LRIG1: variants seen among roughly 807,000 people sequenced by gnomAD.
The protein encoded by LRIG1 is leucine-rich repeats and immunoglobulin-like domains protein 1.
In LRIG1, 48 loss-of-function variants were observed where a neutral mutation model predicts 99.2. The observed-to-expected ratio is 0.48, with a 90% confidence interval of 0.38 to 0.62. The LOEUF is 0.62. Ranked by LOEUF, LRIG1 falls within the 20% of genes least tolerant of loss-of-function variation. LRIG1 has a pLI of 0.00. For synonymous variants in LRIG1, 772 were observed against 596.1 expected (o/e 1.29, Z -4.30); for missense variants, 1,646 against 1,434.4 (o/e 1.15, Z -2.38).
At chr3:66,494,483 A>G (rs940212067) in intron 1 of LRIG1, among the ~76,000 whole-genome samples, 1 of 152,212 alleles carries the variant, frequency 6.6e-6, no homozygotes, top group Non-Finnish European at 1.5e-5. Context: ...GCAAATGCCC[A>G]TTTAGAAGAT....
chr3:66,447,758 A>G (rs1306691946), intron 3 of LRIG1, among the ~76,000 whole-genome samples: 2 of 152,192 alleles, frequency 1.3e-5, no homozygotes, highest in South Asian at 2.1e-4. Context: ...ACTGTCACCA[A>G]TCTTCTCGAC....
intron 5 of LRIG1, among the ~76,000 whole-genome samples, chr3:66,414,571 G>A (rs1288094927): frequency 6.6e-6 from 1 of 151,930 alleles, no homozygotes; most frequent in Non-Finnish European, 1.5e-5. Context: ...GATTTTACGG[G>A]TATCTTAAAA....
At chr3:66,451,810 A>G (rs3796150) in intron 2 of LRIG1, among the ~76,000 whole-genome samples, 177 bp from the exon 3 acceptor site, 116,465 of 152,064 alleles carry the variant, frequency 0.77, 45,030 homozygotes, top group East Asian at 0.89. Flanking sequence ...GTCACATGAG[A>G]TCACAAAAAC....
At chr3:66,442,890 T>G (rs934862850) in intron 3 of LRIG1, among the ~76,000 whole-genome samples, 1 of 152,112 alleles carries the variant, frequency 6.6e-6, no homozygotes, top group African/African-American at 2.4e-5. Context: ...CCACAGCTGG[T>G]GTTCCCTTCA....
intron 3 of LRIG1, among the ~76,000 whole-genome samples, chr3:66,439,913 G>GA (rs944460959): frequency 6.6e-6 from 1 of 152,070 alleles, no homozygotes. Flanking sequence ...AATCAACAGT[G>GA]AAAAGAGGTA....
In LRIG1 at chr3:66,500,997, C is replaced by T. The variant is rs975379867; in HGVS notation, c.-590G>A. The T allele has an allele frequency of 1.3e-5, 2 of 152,272 alleles. No individual in the cohort carries two copies. The highest frequency in any genetic ancestry group is 2.4e-5 in the African/African-American group (1 of 41,432). 9.4% of individuals were successfully genotyped at this position (152,272 alleles called of 1,614,324 possible). On this transcript the variant is annotated 5_prime_UTR_variant, in exon 1 of 19. Coordinates refer to ENST00000273261, the MANE Select transcript of LRIG1 (RefSeq NM_015541.3). Reference sequence around the variant, plus strand: ...CGCGCAGCAAGAGTCCCGCCGACCTCGCAGCCGAACAATCAGCCGCTTGCT... The same window carrying T: ...CGCGCAGCAAGAGTCCCGCCGACCTTGCAGCCGAACAATCAGCCGCTTGCT...
intron 2 of LRIG1, among the ~76,000 whole-genome samples, chr3:66,459,045 T>C (rs1267886283): frequency 1.3e-5 from 2 of 151,720 alleles, no homozygotes; most frequent in Non-Finnish European, 2.9e-5. Flanking sequence ...ATGTTTTATA[T>C]CACAGAGTTG....
Position 66,398,965 on chromosome 3 carries a change from C to T in LRIG1, c.1232+5G>A. ...GCCTCAGGGCAGGGCTGGTGAGATA[C>T]TCACAGGTGCTCCAGGCCTTCCAGC... On this transcript the variant is annotated splice_donor_5th_base_variant and intron_variant, in intron 10 of 18. Transcript: ENST00000273261. 6.2e-7 allele frequency: 1 copy of T among 1,613,956 alleles called. No individual in the cohort carries two copies. The highest frequency in any genetic ancestry group is 8.5e-7 in the Non-Finnish European group (1 of 1,179,822).
chr3:66,467,120 A>G (rs980325607), intron 1 of LRIG1, among the ~76,000 whole-genome samples: 6 of 152,172 alleles, frequency 3.9e-5, no homozygotes, highest in African/African-American at 1.4e-4. Flanking sequence ...GTGTCTGAAA[A>G]GCAAACTGTT....
intron 2 of LRIG1, among the ~76,000 whole-genome samples, chr3:66,459,140 A>G (rs568164734): frequency 1.3e-5 from 2 of 152,208 alleles, no homozygotes; most frequent in Non-Finnish European, 1.5e-5. Flanking sequence ...AGTGAGAAAT[A>G]TATTTTTGAG....
intron 3 of LRIG1, among the ~76,000 whole-genome samples, chr3:66,444,427 C>T (rs1703649389): frequency 6.6e-6 from 1 of 152,198 alleles, no homozygotes; most frequent in Admixed American, 6.5e-5. Context: ...GCCCCACTGT[C>T]CCAAACAAAT....
chr3:66,428,411 G>C (rs184493633), intron 3 of LRIG1, among the ~76,000 whole-genome samples: 1 of 152,196 alleles, frequency 6.6e-6, no homozygotes, highest in Admixed American at 6.5e-5. Context: ...ACATGGCCAA[G>C]CTCAATCTAA....
intron 3 of LRIG1, among the ~76,000 whole-genome samples, chr3:66,450,174 G>A (rs1212395535): frequency 6.6e-6 from 1 of 152,078 alleles, no homozygotes; most frequent in Non-Finnish European, 1.5e-5. Context: ...CCCATCAAGG[G>A]AACAAAGGGC....
chr3:66,390,732 A>C (rs372411748), intron 12 of LRIG1, among the ~76,000 whole-genome samples: 2 of 152,216 alleles, frequency 1.3e-5, no homozygotes, highest in East Asian at 1.9e-4. Flanking sequence ...ATAAAGGAGG[A>C]AATCTTTGTG....
At chr3:66,479,140 T>C (rs1168457743) in intron 1 of LRIG1, among the ~76,000 whole-genome samples, 2 of 152,238 alleles carry the variant, frequency 1.3e-5, no homozygotes, top group Non-Finnish European at 2.9e-5. Flanking sequence ...CTGCCTGCAC[T>C]TGGACAGCCT....
chr3:66,400,482 G>A (rs1367975210), intron 9 of LRIG1, among the ~76,000 whole-genome samples: 1 of 152,178 alleles, frequency 6.6e-6, no homozygotes, highest in Non-Finnish European at 1.5e-5. Flanking sequence ...ACCGATTGCT[G>A]GGAGCCAACT....
chr3:66,459,380 G>GGTCAA (rs960480783), intron 2 of LRIG1, among the ~76,000 whole-genome samples: 19 of 152,220 alleles, frequency 1.2e-4, no homozygotes, highest in African/African-American at 4.3e-4. Context: ...ATAGGGGTCA[G>GGTCAA]TGAGGGTTGA....
At chr3:66,468,449 T>C (rs1457772997) in intron 1 of LRIG1, among the ~76,000 whole-genome samples, 1 of 152,228 alleles carries the variant, frequency 6.6e-6, no homozygotes, top group Non-Finnish European at 1.5e-5. Flanking sequence ...GAGGTTTTCA[T>C]ACTTGGTTTG....
chr3:66,443,292 G>T (rs1327858188), intron 3 of LRIG1, among the ~76,000 whole-genome samples: 1 of 126,626 alleles, frequency 7.9e-6, no homozygotes, highest in Non-Finnish European at 1.7e-5. Context: ...AAAAGGCAGG[G>T]AAGGGAGGGT....
Sources: allele counts gnomAD v4.1 joint callset (sites outside exome capture counted in the v4.1 genomes callset), GRCh38; gene constraint gnomAD v4.1.1; transcripts MANE v1.5; gene names NCBI Gene and HGNC (gene_info 2026-07-23, HGNC 2026-07-21).